The following ARID5B variants were observed in gnomAD, a reference collection of about 807,000 sequenced individuals.
ARID5B encodes AT-rich interactive domain-containing protein 5B.
In ARID5B, 13 loss-of-function variants were observed where a neutral mutation model predicts 97.2. That is an observed-to-expected ratio of 0.13 (90% CI 0.09 to 0.21). The LOEUF (loss-of-function observed/expected upper bound fraction) is 0.21, where lower values mean the gene tolerates loss of function less well. ARID5B is among the 10% of genes least tolerant of loss of function. The pLI is 1.00. For synonymous variants in ARID5B, 556 were observed against 570.3 expected, an observed-to-expected ratio of 0.97 and a Z score of 0.36; for missense variants, 1,210 against 1,465.3, an observed-to-expected ratio of 0.83 and a Z score of 2.84.
At chr10:61,926,903 C>T (rs978234270) in intron 2 of ARID5B, among the ~76,000 whole-genome samples, 6 of 152,164 alleles carry the variant, frequency 3.9e-5, no homozygotes, top group Non-Finnish European at 5.9e-5. Context: ...GGATTACAGG[C>T]GTGAGCCACC....
chr10:62,082,159 C>A (rs970591567), intron 8 of ARID5B, among the ~76,000 whole-genome samples: 1 of 152,090 alleles, frequency 6.6e-6, no homozygotes. Context: ...AAAATAAAAT[C>A]TCATGCTGCT....
intron 3 of ARID5B, among the ~76,000 whole-genome samples, chr10:61,978,623 T>A (rs1838733914): frequency 6.6e-6 from 1 of 152,358 alleles, no homozygotes; most frequent in African/African-American, 2.4e-5. Flanking sequence ...TTTGAAGCAA[T>A]TGTGAATGGG....
chr10:61,985,742 G>T (rs1838838165), intron 3 of ARID5B, among the ~76,000 whole-genome samples: 1 of 152,112 alleles, frequency 6.6e-6, no homozygotes, highest in African/African-American at 2.4e-5. Context: ...TGTATGATGA[G>T]AATCAGGTGG....
rs1192932260 is a variant in ARID5B at position 62,096,075 on chromosome 10, G to A, written c.*3045G>A. The A allele has an allele frequency of 1.9e-4, 45 of 233,260 alleles. No individual in the cohort carries two copies. The Admixed American group carries it at 2.5e-3, about 13-fold the overall frequency. The allele number at this position is 233,260 out of a possible 1,614,324, so 14.4% of individuals were successfully genotyped here. On this transcript the variant is annotated 3_prime_UTR_variant, in exon 10 of 10. Coordinates refer to ENST00000279873, the MANE Select transcript of ARID5B (RefSeq NM_032199.3). ...CAGCCCAACCGAGTTTCGGAATTAA[G>A]TATTCTTCTAGTAAGTGATTCAAAC...
chr10:62,004,593 C>T (rs1839122700), intron 4 of ARID5B, among the ~76,000 whole-genome samples: 1 of 152,224 alleles, frequency 6.6e-6, no homozygotes, highest in African/African-American at 2.4e-5. Context: ...CATTCTCCAA[C>T]AACCCCTACC....
chr10:61,907,781 TTGGAATG>T (rs1843731253), intron 2 of ARID5B, among the ~76,000 whole-genome samples: 1 of 152,278 alleles, frequency 6.6e-6, no homozygotes, highest in African/African-American at 2.4e-5. Flanking sequence ...TAAAGTTTTA[TTGGAATG>T]TGGCCATGCT....
chr10:62,032,084 C>T (rs1478654866), intron 4 of ARID5B, among the ~76,000 whole-genome samples: 1 of 152,094 alleles, frequency 6.6e-6, no homozygotes, highest in African/African-American at 2.4e-5. Context: ...CCCAGCTAAT[C>T]TGGAGGCTGA....
intron 4 of ARID5B, among the ~76,000 whole-genome samples, chr10:62,012,212 C>T (rs960369286): frequency 6.6e-6 from 1 of 152,062 alleles, no homozygotes; most frequent in South Asian, 2.1e-4. Context: ...TAAGGAAGCT[C>T]GCGTTAACCA....
chr10:62,041,127 C>T (rs980311083), intron 4 of ARID5B, among the ~76,000 whole-genome samples: 1 of 152,178 alleles, frequency 6.6e-6, no homozygotes, highest in Non-Finnish European at 1.5e-5. Flanking sequence ...TCCACGCCCA[C>T]TCCAGGCCCC....
At chr10:61,951,476 A>G (rs935829628) in intron 3 of ARID5B, among the ~76,000 whole-genome samples, 1 of 152,228 alleles carries the variant, frequency 6.6e-6, no homozygotes, top group African/African-American at 2.4e-5. Flanking sequence ...AAATATTGGC[A>G]TTCCGCTTAG....
At position 62,091,659 on chromosome 10, in the gene ARID5B, G is replaced by GTTCCAGTTT; in HGVS notation, c.2197_2198insTCCAGTTTT (p.Leu732_Ser733insPheGlnPhe). The GTTCCAGTTT allele has an allele frequency of 6.2e-7, 1 of 1,614,120 alleles. No individual in the cohort carries two copies. The highest frequency in any genetic ancestry group is 8.5e-7 in the Non-Finnish European group (1 of 1,180,022). On this transcript the variant is annotated inframe_insertion, in exon 10 of 10. Transcript: ENST00000279873. ...CTAGGGATGACTTGTGTTCCAGTTT[G>GTTCCAGTTT]TCCCAGACCCACCATGGCCAAAGCA...
intron 3 of ARID5B, among the ~76,000 whole-genome samples, chr10:61,948,672 A>AT (rs899802095): frequency 1.4e-4 from 22 of 151,938 alleles, no homozygotes; most frequent in African/African-American, 5.3e-4. Context: ...AGCTGAGGTG[A>AT]TTTTTTTATA....
intron 4 of ARID5B, among the ~76,000 whole-genome samples, chr10:62,034,366 A>C (rs2132909243): frequency 6.6e-6 from 1 of 152,322 alleles, no homozygotes; most frequent in African/African-American, 2.4e-5. Context: ...ATTGCATCTC[A>C]GTTTAATAGC....
At chr10:62,020,460 T>C (rs1424017634) in intron 4 of ARID5B, among the ~76,000 whole-genome samples, 1 of 152,210 alleles carries the variant, frequency 6.6e-6, no homozygotes, top group Non-Finnish European at 1.5e-5. Context: ...AGTGGATTGA[T>C]GGGACTTTGA....
intron 8 of ARID5B, among the ~76,000 whole-genome samples, chr10:62,084,633 T>C (rs1840257406): frequency 6.6e-6 from 1 of 152,248 alleles, no homozygotes; most frequent in African/African-American, 2.4e-5. Context: ...ATAAAAACTT[T>C]AATCACTGAA....
At chr10:62,072,100 A>T (rs1239317290) in intron 8 of ARID5B, among the ~76,000 whole-genome samples, 1 of 152,174 alleles carries the variant, frequency 6.6e-6, no homozygotes, top group African/African-American at 2.4e-5. Context: ...AGAAGTTTGG[A>T]GAATGTGCCT....
intron 3 of ARID5B, 38 bp downstream of exon 3, chr10:61,940,446 C>T (rs777413186): frequency 9.1e-6 from 14 of 1,540,792 alleles, no homozygotes; most frequent in Admixed American, 3.8e-5. Flanking sequence ...AATGTGTGGG[C>T]GTATATAGTA....
At chr10:62,064,148 A>G (rs1839957072) in intron 7 of ARID5B, among the ~76,000 whole-genome samples, 1 of 152,218 alleles carries the variant, frequency 6.6e-6, no homozygotes, top group African/African-American at 2.4e-5. Context: ...AGGCTTTGAC[A>G]TCAAATTCTG....
At chr10:61,967,243 A>G (rs1424236734) in intron 3 of ARID5B, among the ~76,000 whole-genome samples, 2 of 152,220 alleles carry the variant, frequency 1.3e-5, no homozygotes, top group African/African-American at 4.8e-5. Context: ...AACAAATATG[A>G]ACCACTCTTA....
Sources: gnomAD v4.1 joint callset for allele counts (sites outside exome capture counted in the v4.1 genomes callset) on GRCh38, gnomAD v4.1.1 for gene constraint, MANE v1.5 for transcripts, NCBI Gene and HGNC (gene_info 2026-07-23, HGNC 2026-07-21) for gene names.